The following GLI3 variants were observed in gnomAD, a reference collection of about 807,000 sequenced individuals.
The protein encoded by GLI3 is GLI family zinc finger 3, also known as transcription activator GLI3.
Under a neutral mutation model 100.8 loss-of-function variants are expected in GLI3, and 20 were observed. The ratio of observed to expected loss-of-function variants is 0.20; its 90% CI spans 0.14 to 0.29. The LOEUF (loss-of-function observed/expected upper bound fraction) is 0.29. Ranked by LOEUF, GLI3 falls within the 10% of genes least tolerant of loss-of-function variation. The pLI is 1.00. For synonymous variants in GLI3, 938 were observed against 860.5 expected (o/e 1.09, Z -1.58); for missense variants, 2,040 against 2,128.5 (o/e 0.96, Z 0.82).
intron 7 of GLI3, among the ~76,000 whole-genome samples, chr7:42,028,795 A>AATG (rs1030326359): frequency 2.7e-5 from 4 of 146,260 alleles, no homozygotes; most frequent in Admixed American, 2.7e-4. Flanking sequence ...TAATAATAAT[A>AATG]ATAAATAAAA....
chr7:42,252,111 A>T (rs912949465), intron 1 of GLI3, among the ~76,000 whole-genome samples: 1 of 152,242 alleles, frequency 6.6e-6, no homozygotes, highest in African/African-American at 2.4e-5. Context: ...CATCAAGGAT[A>T]GACTGGGTAA....
intron 4 of GLI3, among the ~76,000 whole-genome samples, chr7:42,068,734 G>C (rs1784725308): frequency 6.6e-6 from 1 of 152,136 alleles, no homozygotes; most frequent in Non-Finnish European, 1.5e-5. Flanking sequence ...TGTGGCTATA[G>C]GAAATGGCAT....
chr7:42,153,866 C>T (rs1377582573), intron 2 of GLI3, among the ~76,000 whole-genome samples: 1 of 152,072 alleles, frequency 6.6e-6, no homozygotes, highest in Admixed American at 6.5e-5. Context: ...TCATGTGATC[C>T]TCACAGCAAC....
At chr7:42,216,007 A>G (rs1159518472) in intron 2 of GLI3, among the ~76,000 whole-genome samples, 2 of 152,338 alleles carry the variant, frequency 1.3e-5, no homozygotes, top group Admixed American at 6.5e-5. Flanking sequence ...AATTATACCC[A>G]TAAGAGTCAT....
chr7:42,193,395 T>C (rs546558660), intron 2 of GLI3, among the ~76,000 whole-genome samples: 1 of 152,152 alleles, frequency 6.6e-6, no homozygotes, highest in East Asian at 1.9e-4. Context: ...TGTGAAAGCC[T>C]GGCCTCCAGG....
At chr7:42,227,098 C>T (rs1306630572) in intron 1 of GLI3, among the ~76,000 whole-genome samples, 3 of 152,194 alleles carry the variant, frequency 2.0e-5, no homozygotes, top group African/African-American at 2.4e-5. Context: ...TGCTTCACTT[C>T]AAAGACTTTT....
rs1278562713 is a variant in GLI3, at chr7:42,023,527, T to C, written c.1438A>G (p.Thr480Ala). The C allele has an allele frequency of 6.2e-7, 1 of 1,613,788 alleles. No homozygotes were observed. The highest frequency in any genetic ancestry group is 1.3e-5 in the African/African-American group (1 of 74,832). ...GCGCAGCCTTCCCAGTGGCAGTTTG[T>C]CTCATAGATGACTTCAGGCTCCTGT... ...SKQEPEVIYE[T>A]NCHWEGCARE... Residue 480 changes from threonine (T) to alanine (A), a missense_variant, in exon 10 of 15, where the codon ACA becomes GCA. By Grantham distance (58) the Thr-to-Ala change is moderately conservative (BLOSUM62 0). Around this residue, in one of 5 missense-constraint regions of GLI3, gnomAD observed 603 missense variants for 690.9 expected, o/e 0.87. Coordinates refer to ENST00000395925, the MANE Select transcript of GLI3 (RefSeq NM_000168.6).
chr7:41,965,630 T>C lies in GLI3; in HGVS notation c.3443A>G (p.Gln1148Arg). 2 of 1,611,352 alleles carry C rather than the reference T, an allele frequency of 1.2e-6. No individual in the cohort carries two copies. The highest frequency in any genetic ancestry group is 1.7e-6 in the Non-Finnish European group (2 of 1,177,960). The change falls in exon 15 of 15, where the codon CAG becomes CGG. Residue 1148 changes from glutamine (Q) to arginine (R), a missense_variant. Gln to Arg is a conservative substitution (Grantham distance 43). This residue lies in a region of GLI3 where 1,041 missense variants were observed against 924.0 expected (regional missense o/e 1.13). Coordinates refer to ENST00000395925, the MANE Select transcript of GLI3 (RefSeq NM_000168.6). ...GGTTTTGCTGCCCTCGGGGCAGGGC[T>C]GCTCGAGGGCATGGAACTGCTGGCC... ...HAGQQFHALE[Q>R]PCPEGSKTDL...
At position 42,048,278 on chromosome 7, in the gene GLI3, C is replaced by T. The variant is rs573304198; in HGVS notation, c.679+213G>A. 2.0e-5 allele frequency among the ~76,000 whole-genome samples: 3 copies of T among 152,124 alleles called. No individual in the cohort carries two copies. The East Asian group carries it at 5.8e-4, about 29-fold the overall frequency. On this transcript the variant is annotated intron_variant, in intron 5 of 14. Coordinates refer to ENST00000395925, the MANE Select transcript of GLI3 (RefSeq NM_000168.6). ...TGCGTTGCAAGTAAACCCCACTGCA[C>T]GCTGCTATTCTGACATGAAAATGGA...
At chr7:42,023,738 C>A in intron 9 of GLI3, 130 bp from the exon 10 acceptor site, 1 of 756,458 alleles carries the variant, frequency 1.3e-6, no homozygotes, top group Admixed American at 2.1e-5. Flanking sequence ...GTGAAGAAGT[C>A]AAACAATAAA....
chr7:42,148,967 A>T (rs1427759018), intron 2 of GLI3, among the ~76,000 whole-genome samples: 2 of 152,202 alleles, frequency 1.3e-5, no homozygotes, highest in African/African-American at 4.8e-5. Flanking sequence ...TTGCTCCTAG[A>T]GAATGACCTA....
upstream of GLI3, among the ~76,000 whole-genome samples, chr7:42,239,272 TTC>T (rs142118840): frequency 0.013 from 1,986 of 152,288 alleles, 22 homozygotes; most frequent in Middle Eastern, 0.031. Flanking sequence ...CCTGGGAGGA[TTC>T]TCTGAGCCTC....
At chr7:42,166,759 G>C (rs980227533) in intron 2 of GLI3, among the ~76,000 whole-genome samples, 4 of 147,296 alleles carry the variant, frequency 2.7e-5, no homozygotes, top group African/African-American at 7.6e-5. Context: ...TCCCGGGTTC[G>C]AGCAATTCTC....
intron 3 of GLI3, among the ~76,000 whole-genome samples, chr7:42,103,018 C>T (rs1785500067): frequency 6.6e-6 from 1 of 152,222 alleles, no homozygotes; most frequent in Non-Finnish European, 1.5e-5. Flanking sequence ...CATGTACTAA[C>T]TCACACTTTT....
rs749008299 is a variant in GLI3, at chr7:42,148,498, G to A, written c.125-30C>T. 11 of 1,600,242 alleles carry A rather than the reference G, an allele frequency of 6.9e-6. No homozygotes were observed. In the African/African-American group the frequency reaches 8.0e-5, roughly 12 times the overall value. On this transcript the variant is annotated intron_variant, in intron 2 of 14. Transcript: ENST00000395925. ...AGAAAGAAGAAAAATGAAAGACTCT[G>A]TAAACTACTTTAAGGAGCAATTAAA...
chr7:42,084,151 A>C (rs897101806), intron 3 of GLI3, among the ~76,000 whole-genome samples: 3 of 152,214 alleles, frequency 2.0e-5, no homozygotes, highest in Admixed American at 6.5e-5. Flanking sequence ...TAAATTAATT[A>C]GTATTTTAGA....
chr7:42,049,878 C>G (rs1489997418), intron 4 of GLI3, among the ~76,000 whole-genome samples: 1 of 152,172 alleles, frequency 6.6e-6, no homozygotes, highest in Non-Finnish European at 1.5e-5. Flanking sequence ...AGAGAGAGAT[C>G]AACTGAGAAC....
intron 2 of GLI3, among the ~76,000 whole-genome samples, chr7:42,220,915 A>T (rs1410529159): frequency 6.6e-6 from 1 of 152,344 alleles, no homozygotes; most frequent in East Asian, 1.9e-4. Context: ...TTTCTAGGAC[A>T]GCTATCACTC....
intron 10 of GLI3, among the ~76,000 whole-genome samples, chr7:42,017,999 G>T (rs1157675267): frequency 2.0e-5 from 3 of 152,120 alleles, no homozygotes; most frequent in Non-Finnish European, 4.4e-5. Flanking sequence ...GGGTCAAATG[G>T]TTCTAAGGAG....
Sources: allele counts gnomAD v4.1 joint callset (sites outside exome capture counted in the v4.1 genomes callset), GRCh38; gene constraint gnomAD v4.1.1; regional missense constraint gnomAD v4.1.1; transcripts MANE v1.5; gene names NCBI Gene and HGNC (gene_info 2026-07-23, HGNC 2026-07-21).